CCDC57: variants seen among roughly 807,000 people sequenced by gnomAD.
CCDC57 encodes coiled-coil domain containing 57.
A neutral mutation model predicts 118.9 loss-of-function variants in CCDC57; 118 were observed. The ratio of observed to expected loss-of-function variants is 0.99; its 90% CI spans 0.86 to 1.16. CCDC57 has a LOEUF of 1.16. Among genes scored for constraint, CCDC57 ranks in the 50% most tolerant of loss-of-function variants. The pLI is 0.00. For synonymous variants in CCDC57, 527 were observed against 532.9 expected (o/e 0.99, Z 0.15); for missense variants, 1,300 against 1,320.7 (o/e 0.98, Z 0.24).
intron 16 of CCDC57, among the ~76,000 whole-genome samples, chr17:82,139,361 AT>A (rs2039714472): frequency 3.3e-5 from 5 of 151,966 alleles, no homozygotes; most frequent in Admixed American, 2.6e-4. Context: ...TTTTATTTTT[AT>A]TTTTTGAGAC....
At chr17:82,145,430 C>A (rs1271260439) in intron 16 of CCDC57, among the ~76,000 whole-genome samples, 1 of 151,924 alleles carries the variant, frequency 6.6e-6, no homozygotes, top group African/African-American at 2.4e-5. Context: ...GCCTGTAATA[C>A]CAGCTACTTG....
chr17:82,151,365 A>C (rs2042033813), intron 16 of CCDC57, among the ~76,000 whole-genome samples, 195 bp downstream of exon 15: 2 of 149,878 alleles, frequency 1.3e-5, no homozygotes, highest in Non-Finnish European at 3.0e-5. Flanking sequence ...CCTGGCACAC[A>C]CCCAGAACCT....
rs140732712 is a variant in CCDC57, at chr17:82,179,167, C to G, written c.1234G>C (p.Ala412Pro). Residue 412 changes from alanine (A) to proline (P), a missense_variant, in exon 10 of 20, where the codon GCA (alanine) becomes CCA (proline). By Grantham distance (27) the Ala-to-Pro change is conservative. Transcript: ENST00000665763. ...TCCAGGCTCCGCTCCCTTTCCACTG[C>G]CAGGGACAGCTGTTGCTTGTACCTA... 977 of 1,613,806 alleles carry G rather than the reference C, an allele frequency of 6.1e-4. 9 individuals are homozygous for G. In the African/African-American group the frequency reaches 0.011, roughly 19 times the overall value.
chr17:82,127,412 G>A (rs530698496), intron 19 of CCDC57: 7 of 984,484 alleles, frequency 7.1e-6, no homozygotes, highest in Non-Finnish European at 8.4e-6. Context: ...GCCTGCGCCC[G>A]GGTGTACGGT....
At chr17:82,157,761 G>T in exon 15 of CCDC57, 1 of 1,598,202 alleles carries the variant, frequency 6.3e-7, no homozygotes, top group South Asian at 1.1e-5. Flanking sequence ...TCTCCCAAGG[G>T]CCACGGCGTC....
rs2045801943 is a variant in CCDC57, at chr17:82,178,476, G to A, written c.1504C>T (p.Gln502Ter). The change falls in exon 11 of 20, where the codon CAG becomes TAG. Residue 502 changes from glutamine to a stop codon, truncating the protein, a stop_gained and splice_region_variant. Coordinates refer to ENST00000665763, the Ensembl canonical transcript of CCDC57. LOFTEE classifies it high-confidence loss of function. ...AAGAGCCGACTGGGTACTCTCACCTGTGCCCCTGGTCTGGGGAGCCCATGC... is the reference window on the plus strand; with the variant it reads ...AAGAGCCGACTGGGTACTCTCACCTATGCCCCTGGTCTGGGGAGCCCATGC... The A allele has an allele frequency of 8.7e-6, 14 of 1,607,092 alleles. No homozygotes were observed. The highest frequency in any genetic ancestry group is 1.2e-5 in the Non-Finnish European group (14 of 1,176,862).
chr17:82,175,304 G>A (rs747806229), intron 11 of CCDC57, among the ~76,000 whole-genome samples: 3 of 152,248 alleles, frequency 2.0e-5, no homozygotes, highest in Non-Finnish European at 4.4e-5. Context: ...CCCAGGACGC[G>A]CTGAGGGTGC....
At chr17:82,162,291 C>A (rs1237299024) in intron 14 of CCDC57, among the ~76,000 whole-genome samples, 1 of 152,166 alleles carries the variant, frequency 6.6e-6, no homozygotes, top group African/African-American at 2.4e-5. Flanking sequence ...CAGGTGTGAG[C>A]CCCCATGCCT....
chr17:82,206,463 C>T (rs559746584), intron 2 of CCDC57, among the ~76,000 whole-genome samples: 1 of 152,274 alleles, frequency 6.6e-6, no homozygotes, highest in South Asian at 2.1e-4. Flanking sequence ...GAGCTCCCAC[C>T]CTCTACCCTG....
At chr17:82,201,700 C>T in exon 3 of CCDC57, 1 of 1,613,996 alleles carries the variant, frequency 6.2e-7, no homozygotes, top group Non-Finnish European at 8.5e-7. Context: ...TTCCCACTCC[C>T]TGGCCTGGGC....
intron 4 of CCDC57, among the ~76,000 whole-genome samples, chr17:82,197,656 G>A (rs1016815771): frequency 2.0e-5 from 3 of 152,254 alleles, no homozygotes; most frequent in African/African-American, 4.8e-5. Context: ...CGGGCTGCCC[G>A]GATAGCTGGT....
At chr17:82,193,735 G>A (rs1248313333) in intron 7 of CCDC57, 21 bp downstream of exon 6, 2 of 1,577,852 alleles carry the variant, frequency 1.3e-6, no homozygotes, top group South Asian at 1.2e-5. Context: ...GCTGCATGAT[G>A]TTGGGAGCCG....
At chr17:82,194,000 T>C (rs1356961710) in exon 6 of CCDC57, 2 of 1,611,636 alleles carry the variant, frequency 1.2e-6, no homozygotes, top group East Asian at 4.5e-5. Flanking sequence ...GCTCATGGCC[T>C]CCAGGTCCTG....
intron 8 of CCDC57, 82 bp from the exon 8 acceptor site, chr17:82,184,014 CATG>C: frequency 1.3e-6 from 1 of 789,634 alleles, no homozygotes; most frequent in Non-Finnish European, 2.0e-6. Flanking sequence ...AGCAAATACA[CATG>C]CGCGCGCGCG....
intron 19 of CCDC57, chr17:82,126,721 G>A (rs1161614364): frequency 4.1e-6 from 4 of 985,306 alleles, no homozygotes; most frequent in Admixed American, 6.1e-5. Flanking sequence ...CCTTGACTAC[G>A]CAAGCCCCTG....
chr17:82,119,491 G>A (rs937364838), intron 19 of CCDC57, among the ~76,000 whole-genome samples: 3 of 151,440 alleles, frequency 2.0e-5, no homozygotes, highest in Non-Finnish European at 4.4e-5. Context: ...CCTGCCCTCC[G>A]AGACATTCTG....
intron 8 of CCDC57, 101 bp from the exon 8 acceptor site, chr17:82,184,033 A>ACGCGCG (rs1170834057): frequency 5.9e-6 from 1 of 169,444 alleles, no homozygotes; most frequent in Non-Finnish European, 1.2e-5. Context: ...GCGCGCGCGC[A>ACGCGCG]CACACACACA....
chr17:82,122,879 G>T (rs2036906094), intron 19 of CCDC57, among the ~76,000 whole-genome samples: 1 of 152,076 alleles, frequency 6.6e-6, no homozygotes, highest in Non-Finnish European at 1.5e-5. Flanking sequence ...CATAAATACG[G>T]CCTCTTTTCA....
intron 8 of CCDC57, 71 bp downstream of exon 7, chr17:82,188,148 G>A: frequency 7.4e-7 from 1 of 1,356,200 alleles, no homozygotes; most frequent in Non-Finnish European, 9.8e-7. Context: ...TCTGGCACCA[G>A]TGGGCCCAGG....
Sources: allele counts gnomAD v4.1 joint callset (sites outside exome capture counted in the v4.1 genomes callset), GRCh38; gene constraint gnomAD v4.1.1; transcripts MANE v1.5; gene names NCBI Gene and HGNC (gene_info 2026-07-23, HGNC 2026-07-21).